Variants in OSBPL1A observed in about 807,000 individuals in gnomAD.
OSBPL1A encodes the protein oxysterol-binding protein-related protein 1.
Under a neutral mutation model 137.1 loss-of-function variants are expected in OSBPL1A, and 80 were observed. The observed-to-expected ratio is 0.58, with a 90% confidence interval of 0.49 to 0.70. OSBPL1A has a LOEUF of 0.70. Among genes scored for constraint, OSBPL1A ranks in the 30% least tolerant of loss-of-function variants. The pLI is 0.00. For missense variants in OSBPL1A, 970 were observed against 1,129.4 expected (o/e 0.86, Z 2.02); for synonymous variants, 365 against 389.7 (o/e 0.94, Z 0.75).
chr18:24,267,258 T>C (rs1012010454), intron 15 of OSBPL1A, among the ~76,000 whole-genome samples: 2 of 150,304 alleles, frequency 1.3e-5, no homozygotes, highest in African/African-American at 4.9e-5. Flanking sequence ...CAAAAAGAAA[T>C]AGAAAACTAA....
intron 27 of OSBPL1A, 145 bp from the exon 28 acceptor site, chr18:24,163,426 T>A (rs887471646): frequency 8.7e-6 from 5 of 572,100 alleles, no homozygotes; most frequent in Non-Finnish European, 1.2e-5. Flanking sequence ...AGTGATGCTG[T>A]ATTTCTGCTT....
intron 15 of OSBPL1A, among the ~76,000 whole-genome samples, chr18:24,267,593 T>C (rs940201902): frequency 6.6e-6 from 1 of 152,174 alleles, no homozygotes; most frequent in African/African-American, 2.4e-5. Context: ...CAAATTAGGT[T>C]TATTCCAAGT....
intron 16 of OSBPL1A, among the ~76,000 whole-genome samples, chr18:24,236,385 A>G (rs1786123): frequency 0.61 from 92,998 of 151,914 alleles, 29,331 homozygotes; most frequent in East Asian, 0.93. Context: ...AAATGGGGAC[A>G]GAGGCTGGTG....
intron 2 of OSBPL1A, among the ~76,000 whole-genome samples, chr18:24,371,562 C>G (rs1400004391): frequency 6.6e-6 from 1 of 152,156 alleles, no homozygotes; most frequent in African/African-American, 2.4e-5. Flanking sequence ...CAACCTCTCC[C>G]CCTTTAGTTG....
intron 17 of OSBPL1A, among the ~76,000 whole-genome samples, chr18:24,212,003 C>T (rs2087559828): frequency 6.6e-6 from 1 of 151,436 alleles, no homozygotes; most frequent in African/African-American, 2.4e-5. Context: ...AATAAAATGT[C>T]GAGGAATATT....
chr18:24,209,648 A>ACAC (rs1444255554), intron 17 of OSBPL1A, among the ~76,000 whole-genome samples: 3 of 152,252 alleles, frequency 2.0e-5, no homozygotes, highest in African/African-American at 7.2e-5. Context: ...CAACAGGAGT[A>ACAC]CAGATAAGCC....
At chr18:24,364,821 G>A (rs1012793851) in intron 4 of OSBPL1A, 2 of 151,806 alleles carry the variant, frequency 1.3e-5, no homozygotes, top group Non-Finnish European at 2.9e-5. Context: ...AGACCAGCCT[G>A]GGCAACATGG....
chr18:24,230,940 C>T (rs574539956), intron 16 of OSBPL1A, among the ~76,000 whole-genome samples: 53 of 152,116 alleles, frequency 3.5e-4, no homozygotes, highest in African/African-American at 1.2e-3. Flanking sequence ...GTGACTCAGT[C>T]GATGATTATA....
At chr18:24,222,725 C>T (rs185416419) in intron 17 of OSBPL1A, among the ~76,000 whole-genome samples, 1 of 152,244 alleles carries the variant, frequency 6.6e-6, no homozygotes, top group Admixed American at 6.5e-5. Context: ...TTCTATTTTA[C>T]AAGCAAAAGT....
At chr18:24,170,543 C>G in intron 23 of OSBPL1A, 90 bp from the exon 24 acceptor site, 1 of 1,473,110 alleles carries the variant, frequency 6.8e-7, no homozygotes, top group Non-Finnish European at 9.4e-7. Context: ...GTCTCCCATC[C>G]GAGTACTAAC....
chr18:24,176,698 C>G (rs1383506334), intron 21 of OSBPL1A, among the ~76,000 whole-genome samples: 1 of 152,088 alleles, frequency 6.6e-6, no homozygotes, highest in African/African-American at 2.4e-5. Flanking sequence ...GCTTTCATTC[C>G]AGTGTCAGTT....
rs138071836 is a variant in OSBPL1A, at chr18:24,312,044, C to T, written c.1032G>A (p.Gln344=). 1.2e-6 allele frequency: 2 copies of T among 1,613,980 alleles called. No homozygotes were observed. Among genetic ancestry groups the T allele is most frequent in the Non-Finnish European group, 1.7e-6 (2 of 1,179,956 alleles). The change falls in exon 13 of 28, where the codon CAG becomes CAA. Residue 344 remains glutamine (Q), a synonymous_variant. Coordinates refer to ENST00000319481, the MANE Select transcript of OSBPL1A (RefSeq NM_080597.4). ...AYSTHYCSQD[Q]LTDEEEEDTV... is the part of the protein sequence containing the mutation. ...TATCTTCCTCCTCCTCATCAGTCAG[C>T]TGGTCCTGGGAACAGTAGTGAGTGC... is the stretch of plus-strand genomic sequence containing the variant.
At chr18:24,258,175 T>C (rs754884509) in intron 15 of OSBPL1A, among the ~76,000 whole-genome samples, 2 of 152,200 alleles carry the variant, frequency 1.3e-5, no homozygotes, top group Non-Finnish European at 2.9e-5. Context: ...CTCCCATGTT[T>C]GCTGTGGCAC....
chr18:24,392,308 G>A (rs1907413997), intron 1 of OSBPL1A, among the ~76,000 whole-genome samples: 1 of 152,018 alleles, frequency 6.6e-6, no homozygotes, highest in South Asian at 2.1e-4. Flanking sequence ...TTACAAGCAT[G>A]TGCCACCATG....
chr18:24,274,190 T>C (rs547914685), intron 15 of OSBPL1A, among the ~76,000 whole-genome samples: 1 of 145,766 alleles, frequency 6.9e-6, no homozygotes, highest in East Asian at 2.0e-4. Context: ...GCCAAGACTG[T>C]GTCGCTGTAC....
chr18:24,287,514 T>G (rs1362980087), intron 14 of OSBPL1A, among the ~76,000 whole-genome samples: 1 of 152,176 alleles, frequency 6.6e-6, no homozygotes, highest in Non-Finnish European at 1.5e-5. Context: ...GGCTCACACC[T>G]GCAATCCCAG....
chr18:24,339,866 C>G (rs1347466553), intron 5 of OSBPL1A, among the ~76,000 whole-genome samples: 3 of 152,188 alleles, frequency 2.0e-5, no homozygotes, highest in African/African-American at 7.2e-5. Flanking sequence ...AGAAGTCTGA[C>G]AAGTAGACTT....
At chr18:24,173,688 C>T (rs1347795538) in intron 21 of OSBPL1A, among the ~76,000 whole-genome samples, 1 of 152,250 alleles carries the variant, frequency 6.6e-6, no homozygotes, top group Non-Finnish European at 1.5e-5. Flanking sequence ...GCTGGGATTA[C>T]AGGCGTGAGC....
chr18:24,384,508 C>G (rs917776352), intron 1 of OSBPL1A, among the ~76,000 whole-genome samples: 1 of 150,864 alleles, frequency 6.6e-6, no homozygotes. Context: ...CGGGAGGTTA[C>G]AGTGAGCTGA....
Sources: gnomAD v4.1 joint callset for allele counts (sites outside exome capture counted in the v4.1 genomes callset) on GRCh38, gnomAD v4.1.1 for gene constraint, MANE v1.5 for transcripts, NCBI Gene and HGNC (gene_info 2026-07-23, HGNC 2026-07-21) for gene names.